The following CCZ1 variants were observed in gnomAD, a reference collection of about 807,000 sequenced individuals.
CCZ1 encodes the protein vacuolar fusion protein CCZ1 homolog.
CCZ1 carries 19 observed loss-of-function variants against 57.8 expected under a neutral mutation model. That is an observed-to-expected ratio of 0.33 (90% CI 0.23 to 0.48). The LOEUF is 0.48. Among genes scored for constraint, CCZ1 ranks in the 20% least tolerant of loss-of-function variants. CCZ1 has a pLI of 0.99. For missense variants in CCZ1, 200 were observed against 492.0 expected, an observed-to-expected ratio of 0.41 and a Z score of 5.61; for synonymous variants, 81 against 167.0, an observed-to-expected ratio of 0.49 and a Z score of 3.97.
chr7:5,910,519 G>C (rs1781944693), intron 8 of CCZ1, among the ~76,000 whole-genome samples: 1 of 146,712 alleles, frequency 6.8e-6, no homozygotes, highest in Non-Finnish European at 1.5e-5. Flanking sequence ...AGTAGAGACA[G>C]GTTTCACTAT....
chr7:5,903,074 T>C (rs1386906782), intron 6 of CCZ1, among the ~76,000 whole-genome samples: 2 of 148,606 alleles, frequency 1.3e-5, no homozygotes, highest in African/African-American at 2.5e-5. Flanking sequence ...TGTGATAGAT[T>C]AGTTGATAAG....
chr7:5,905,902 C>CTTT (rs148585423), intron 7 of CCZ1, among the ~76,000 whole-genome samples: 1,183 of 92,992 alleles, frequency 0.013, 40 homozygotes, highest in African/African-American at 0.022. Flanking sequence ...ATTTTTATAC[C>CTTT]TTTTTTTTTT....
chr7:5,912,500 A>G (rs1779060697), intron 9 of CCZ1, among the ~76,000 whole-genome samples: 1 of 134,064 alleles, frequency 7.5e-6, no homozygotes, highest in African/African-American at 2.8e-5. Flanking sequence ...CCTAGGTTCA[A>G]GCAATTCCCC....
At chr7:5,904,700 A>T (rs779653653) in intron 6 of CCZ1, among the ~76,000 whole-genome samples, 2 of 147,082 alleles carry the variant, frequency 1.4e-5, no homozygotes, top group African/African-American at 5.1e-5. Flanking sequence ...GCATGGTGGC[A>T]GGCGCCTGTA....
At chr7:5,906,869 CTTT>C (rs369672255) in intron 7 of CCZ1, among the ~76,000 whole-genome samples, 1 of 147,618 alleles carries the variant, frequency 6.8e-6, no homozygotes, top group South Asian at 2.2e-4. Context: ...AACCCATCTA[CTTT>C]TTTTTTTGTT....
At chr7:5,906,524 T>C (rs1194394524) in intron 7 of CCZ1, among the ~76,000 whole-genome samples, 1 of 148,372 alleles carries the variant, frequency 6.7e-6, no homozygotes, top group Non-Finnish European at 1.5e-5. Flanking sequence ...GGTTTTACCA[T>C]GTTGGCCAGG....
chr7:5,902,445 A>G lies in CCZ1; in HGVS notation c.439-216A>G, dbSNP rs944692227. 6.2e-5 allele frequency: 52 copies of G among 832,332 alleles called. 1 individual carries two copies. The highest frequency in any genetic ancestry group is 5.1e-4 in the South Asian group (18 of 35,154). 51.6% of individuals were successfully genotyped at this position (832,332 alleles called of 1,614,324 possible). Reference sequence around the variant, plus strand: ...AAATTTTTGAAAGATGCCTAGAGCAATTAGGTGGTTTCATAAATAAGACAG... The same window carrying G: ...AAATTTTTGAAAGATGCCTAGAGCAGTTAGGTGGTTTCATAAATAAGACAG... On this transcript the variant is annotated intron_variant, in intron 5 of 14. Transcript: ENST00000325974.
chr7:5,899,157 G>C (rs918578207), intron 1 of CCZ1, among the ~76,000 whole-genome samples: 4 of 87,208 alleles, frequency 4.6e-5, no homozygotes, highest in African/African-American at 1.4e-4. Context: ...GGCTCTTTGC[G>C]CTTTGCTTTG....
Position 5,906,707 on chromosome 7 carries a change from C to T in CCZ1, c.698+1438C>T, listed in dbSNP as rs1282820750. Among the ~76,000 whole-genome samples, 106 of 149,622 alleles carry T rather than the reference C, an allele frequency of 7.1e-4. 3 individuals carry two copies. Among genetic ancestry groups the T allele is most frequent in the African/African-American group, 2.5e-3 (101 of 40,454 alleles). ...TAATAGAAAAGGCAAAACTAGTTCCCCTAAAATTTACCTTCCCTGCCAAAA... is the reference window on the plus strand; with the variant it reads ...TAATAGAAAAGGCAAAACTAGTTCCTCTAAAATTTACCTTCCCTGCCAAAA... On this transcript the variant is annotated intron_variant, in intron 7 of 14. Transcript: ENST00000325974.
In CCZ1 at chr7:5,912,961, A is replaced by T. The variant is rs376904530; in HGVS notation, c.954+7A>T. 1 of 1,607,208 alleles carries T rather than the reference A, an allele frequency of 6.2e-7. No individual in the cohort carries two copies. The highest frequency in any genetic ancestry group is 8.5e-7 in the Non-Finnish European group (1 of 1,177,228). ...CCATTTAATCGTTTATAAGGTAACAACTGTTTTCCTTCCAGCGTTAATGAT... is the reference window on the plus strand; with the variant it reads ...CCATTTAATCGTTTATAAGGTAACATCTGTTTTCCTTCCAGCGTTAATGAT... On this transcript the variant is annotated splice_region_variant and intron_variant, in intron 10 of 14. Coordinates refer to ENST00000325974, the MANE Select transcript of CCZ1 (RefSeq NM_015622.6).
chr7:5,910,991 C>A (rs1205029750), intron 8 of CCZ1, among the ~76,000 whole-genome samples: 2 of 148,598 alleles, frequency 1.3e-5, no homozygotes, highest in Admixed American at 6.7e-5. Flanking sequence ...CCGCCACAGC[C>A]TTCCAAAGTG....
Position 5,910,775 on chromosome 7 carries a change from G to A in CCZ1, c.780+659G>A, listed in dbSNP as rs368309957. Among the ~76,000 whole-genome samples, 43 of 141,002 alleles carry A rather than the reference G, an allele frequency of 3.0e-4. 1 individual carries two copies. The highest frequency in any genetic ancestry group is 2.1e-3 in the East Asian group (9 of 4,280). The allele number at this position is 141,002 out of a possible 152,430, so 92.5% of individuals were successfully genotyped here. A position where few individuals can be genotyped will look rare whatever the true frequency, so the allele number is the denominator to read the frequency against. ...ATTGGGACAGAGTTTTGTTCTTTTC[G>A]CCCAGGCTGGAGTGCAGTAGTGCAA... On this transcript the variant is annotated intron_variant, in intron 8 of 14. Coordinates refer to ENST00000325974, the MANE Select transcript of CCZ1 (RefSeq NM_015622.6).
intron 5 of CCZ1, 136 bp downstream of exon 5, chr7:5,901,840 C>A (rs1189077525): frequency 2.3e-6 from 2 of 861,994 alleles, no homozygotes; most frequent in South Asian, 2.1e-5. Flanking sequence ...AATAATGAGG[C>A]CTTTGAAACA....
At chr7:5,922,928 G>C (rs571950436) in intron 12 of CCZ1, among the ~76,000 whole-genome samples, 1 of 150,368 alleles carries the variant, frequency 6.7e-6, no homozygotes, top group Non-Finnish European at 1.5e-5. Context: ...ATGTAGATAC[G>C]TGTTAAAACT....
At chr7:5,922,837 G>A (rs199521277) in intron 12 of CCZ1, among the ~76,000 whole-genome samples, 8,457 of 146,306 alleles carry the variant, frequency 0.058, 131 homozygotes, top group East Asian at 0.28. Context: ...GAGGAACGAG[G>A]TGTTACTCTC....
intron 10 of CCZ1, among the ~76,000 whole-genome samples, chr7:5,914,271 G>A (rs1038591741): frequency 6.8e-6 from 1 of 147,074 alleles, no homozygotes; most frequent in African/African-American, 2.5e-5. Context: ...TGTGTCGACA[G>A]GAAAATGTTT....
chr7:5,900,081 C>G (rs1230260071), intron 1 of CCZ1, among the ~76,000 whole-genome samples: 1 of 151,212 alleles, frequency 6.6e-6, no homozygotes, highest in Non-Finnish European at 1.5e-5. Flanking sequence ...CCATGCTGGT[C>G]TTGAACTCCT....
chr7:5,922,858 G>A (rs1477549058), intron 12 of CCZ1, among the ~76,000 whole-genome samples: 1 of 149,580 alleles, frequency 6.7e-6, no homozygotes, highest in Admixed American at 6.7e-5. Flanking sequence ...CTCAAGCAGG[G>A]GTCAGCAGAC....
Position 5,900,581 on chromosome 7 carries a change from A to C in CCZ1, c.312+15A>C, listed in dbSNP as rs757404030. On this transcript the variant is annotated intron_variant, in intron 3 of 14. Transcript: ENST00000325974. ...GGATGGTCATGGTATTTACATACAC[A>C]GTGTATCTTTCTGAAATTGTATGGT... is the stretch of plus-strand genomic sequence containing the variant. The C allele has an allele frequency of 2.5e-6, 4 of 1,596,194 alleles. No homozygotes were observed. The South Asian group carries it at 4.5e-5, about 18-fold the overall frequency.
Sources: gnomAD v4.1 joint callset for allele counts (sites outside exome capture counted in the v4.1 genomes callset) on GRCh38, gnomAD v4.1.1 for gene constraint, MANE v1.5 for transcripts, NCBI Gene and HGNC (gene_info 2026-07-23, HGNC 2026-07-21) for gene names.